The following REV1 variants were observed in gnomAD, a reference collection of about 807,000 sequenced individuals.
The protein encoded by REV1 is translesion synthesis protein REV1.
REV1 carries 42 observed loss-of-function variants against 137.4 expected under a neutral mutation model. The ratio of observed to expected loss-of-function variants is 0.31; its 90% CI spans 0.24 to 0.40. The LOEUF is 0.40. Among genes scored for constraint, REV1 ranks in the 10% least tolerant of loss-of-function variants. The pLI, the probability that REV1 is intolerant of heterozygous loss-of-function variation, is 1.00. For synonymous variants in REV1, 524 were observed against 519.2 expected (o/e 1.01, Z -0.12); for missense variants, 1,282 against 1,490.1 (o/e 0.86, Z 2.30).
intron 1 of REV1, among the ~76,000 whole-genome samples, chr2:99,476,989 G>T (rs1011229723): frequency 6.6e-6 from 1 of 152,202 alleles, no homozygotes; most frequent in Non-Finnish European, 1.5e-5. Flanking sequence ...CCTTTCAGGA[G>T]TTCTTTGAAC....
Position 99,467,842 on chromosome 2 carries a change from TG to T in REV1, c.-10-2858del, listed in dbSNP as rs1402539877. Reference sequence around the variant, plus strand: ...GGGTGGATCACCTGAAGTCAGGAGTTGGAGACCAGTCTGGCCAACATGGTGA... The same window carrying T: ...GGGTGGATCACCTGAAGTCAGGAGTTGAGACCAGTCTGGCCAACATGGTGA... On this transcript the variant is annotated intron_variant, in intron 1 of 22. Coordinates refer to ENST00000258428, the MANE Select transcript of REV1 (RefSeq NM_016316.4). 5.9e-5 allele frequency among the ~76,000 whole-genome samples: 9 copies of T among 152,274 alleles called. No homozygotes were observed. The East Asian group carries it at 1.7e-3, about 29-fold the overall frequency.
chr2:99,403,591 T>C, intron 19 of REV1, 104 bp downstream of exon 19: 1 of 1,423,452 alleles, frequency 7.0e-7, no homozygotes, highest in Admixed American at 1.7e-5. Flanking sequence ...GAGCTCTTAA[T>C]GCAACAGCTT....
chr2:99,432,377 A>T (rs775439094), intron 8 of REV1, among the ~76,000 whole-genome samples: 2 of 152,178 alleles, frequency 1.3e-5, no homozygotes, highest in Non-Finnish European at 2.9e-5. Context: ...CTAATTCCTA[A>T]ACCGATCCTC....
At chr2:99,451,918 G>C (rs1433000353) in intron 3 of REV1, among the ~76,000 whole-genome samples, 10 of 151,980 alleles carry the variant, frequency 6.6e-5, no homozygotes, top group Non-Finnish European at 1.3e-4. Flanking sequence ...GCTAACTGTT[G>C]GCATGCATGG....
At chr2:99,437,938 C>T (rs1680969970) in intron 6 of REV1, among the ~76,000 whole-genome samples, 1 of 152,060 alleles carries the variant, frequency 6.6e-6, no homozygotes, top group Non-Finnish European at 1.5e-5. Context: ...TCAGTTTCCA[C>T]AGCTATAAAT....
intron 1 of REV1, among the ~76,000 whole-genome samples, chr2:99,476,226 G>A (rs188657997): frequency 1.2e-3 from 188 of 152,092 alleles, no homozygotes; most frequent in Middle Eastern, 3.4e-3. Context: ...CCCTTCACAT[G>A]GTCCAAGATG....
At chr2:99,462,672 C>T (rs1553563907) in intron 2 of REV1, 50 bp from the exon 3 acceptor site, 4 of 1,567,630 alleles carry the variant, frequency 2.6e-6, no homozygotes, top group South Asian at 1.2e-5. Context: ...ATTTTCTCCC[C>T]CCTTTTTTGA....
In REV1 at chr2:99,438,877, G is replaced by A; in HGVS notation, c.937C>T (p.His313Tyr). The A allele has an allele frequency of 1.2e-6, 2 of 1,614,178 alleles. No individual in the cohort carries two copies. The highest frequency in any genetic ancestry group is 1.7e-6 in the Non-Finnish European group (2 of 1,180,034). ...GAAGGCCCCTGAACAGTGGAGTGGT[G>A]AGCACCATTGATTTTAGTGTTACTG... ...LHSNTKINGAHHSTVQGPSST... is the reference protein window; with the variant it reads ...LHSNTKINGAYHSTVQGPSST... The change falls in exon 6 of 23, where the codon CAC (histidine) becomes TAC (tyrosine). Residue 313 changes from histidine to tyrosine, a missense_variant. His to Tyr is a moderately conservative substitution (Grantham distance 83, BLOSUM62 2). Around this residue, in one of 7 missense-constraint regions of REV1, gnomAD observed 432 missense variants for 438.0 expected, o/e 0.99. Transcript: ENST00000258428.
chr2:99,403,343 A>G, intron 19 of REV1: 2 of 573,424 alleles, frequency 3.5e-6, no homozygotes, highest in Non-Finnish European at 3.1e-6. Flanking sequence ...TATGATGGGT[A>G]GTACTAAATG....
At position 99,412,608 on chromosome 2, in the gene REV1, G is replaced by A. The variant is rs950449303; in HGVS notation, c.2172+123C>T. On this transcript the variant is annotated intron_variant, in intron 13 of 22. Coordinates refer to ENST00000258428, the MANE Select transcript of REV1 (RefSeq NM_016316.4). ...CCTTAAAAGGCCTTCTTAAGGCTCT[G>A]GGGATACAACAGTTTTAAGACTTAA... 13 of 748,604 alleles carry A rather than the reference G, an allele frequency of 1.7e-5. No individual in the cohort carries two copies. The Admixed American group carries it at 2.4e-4, about 14-fold the overall frequency. The allele number at this position is 748,604 out of a possible 1,614,324, so 46.4% of individuals were successfully genotyped here.
chr2:99,414,082 G>A (rs1200572340), intron 12 of REV1, among the ~76,000 whole-genome samples: 1 of 152,182 alleles, frequency 6.6e-6, no homozygotes, highest in Non-Finnish European at 1.5e-5. Context: ...TTGAGCCCGA[G>A]AGTTTGAGGC....
At chr2:99,454,642 G>A (rs1186059965) in intron 3 of REV1, among the ~76,000 whole-genome samples, 1 of 151,302 alleles carries the variant, frequency 6.6e-6, no homozygotes, top group Non-Finnish European at 1.5e-5. Context: ...CTACTCAGGA[G>A]GCTGAGGCAG....
intron 9 of REV1, among the ~76,000 whole-genome samples, chr2:99,425,294 T>C (rs533812211): frequency 6.6e-6 from 1 of 152,292 alleles, no homozygotes; most frequent in East Asian, 1.9e-4. Context: ...CAGCAGTAGA[T>C]GCAAAATCAC....
intron 1 of REV1, among the ~76,000 whole-genome samples, chr2:99,482,178 A>AT (rs1281807390): frequency 1.3e-5 from 2 of 152,244 alleles, no homozygotes; most frequent in African/African-American, 4.8e-5. Flanking sequence ...TAAAAGTCCC[A>AT]TAAAAACTCC....
Position 99,402,714 on chromosome 2 carries a change from G to A in REV1, c.3471C>T (p.Pro1157=). 1.2e-6 allele frequency: 2 copies of A among 1,613,768 alleles called. No individual in the cohort carries two copies. Among genetic ancestry groups the A allele is most frequent in the Non-Finnish European group, 8.5e-7 (1 of 1,179,668 alleles). ...TGAATTCAACAGCTCCAGCTAGATT[G>A]GGTGCTGGAGGTCTCACACAGCCAG... ...DPAGCVRPPA[P]NLAGAVEFND... Residue 1157 remains proline, a synonymous_variant, in exon 21 of 23, where the codon CCC becomes CCT. Coordinates refer to ENST00000258428, the MANE Select transcript of REV1 (RefSeq NM_016316.4).
intron 1 of REV1, among the ~76,000 whole-genome samples, chr2:99,466,400 G>GC (rs1407683755): frequency 1.3e-5 from 2 of 151,910 alleles, no homozygotes; most frequent in Non-Finnish European, 2.9e-5. Flanking sequence ...CTGCCACCAT[G>GC]CCTGGCTATT....
chr2:99,449,358 G>C lies in REV1; in HGVS notation c.328C>G (p.Arg110Gly). Residue 110 changes from arginine to glycine, a missense_variant, in exon 4 of 23, where the codon CGA becomes GGA. Coordinates refer to ENST00000258428, the MANE Select transcript of REV1 (RefSeq NM_016316.4). ...IKELKGEKVI[R>G]PEWIVESIKA... ...TACCTTTCCACAATCCATTCTGGTCGAATTACTTTTTCCCCCTTTAATTCT... is the reference window on the plus strand; with the variant it reads ...TACCTTTCCACAATCCATTCTGGTCCAATTACTTTTTCCCCCTTTAATTCT... 6.5e-7 allele frequency: 1 copy of C among 1,548,978 alleles called. No homozygotes were observed. The highest frequency in any genetic ancestry group is 8.7e-7 in the Non-Finnish European group (1 of 1,150,986).
At position 99,414,895 on chromosome 2, in the gene REV1, G is replaced by C. The variant is rs537441853; in HGVS notation, c.1952-1944C>G. Reference sequence around the variant, plus strand: ...AAACCCCATAGTTTAAAATTTTAGAGTATCTTGAGTATACCACAACAAATT... The same window carrying C: ...AAACCCCATAGTTTAAAATTTTAGACTATCTTGAGTATACCACAACAAATT... On this transcript the variant is annotated intron_variant, in intron 12 of 22. Coordinates refer to ENST00000258428, the MANE Select transcript of REV1 (RefSeq NM_016316.4). Among the ~76,000 whole-genome samples the C allele has an allele frequency of 2.6e-5, 4 of 152,328 alleles. No individual in the cohort carries two copies. In the East Asian group the frequency reaches 7.7e-4, roughly 29 times the overall value.
chr2:99,477,389 T>C lies in REV1; in HGVS notation c.-10-12404A>G, dbSNP rs753217572. 1.4e-4 allele frequency among the ~76,000 whole-genome samples: 22 copies of C among 152,146 alleles called. 1 individual carries two copies. The highest frequency in any genetic ancestry group is 4.6e-4 in the African/African-American group (19 of 41,426). ...CCATGGGAATAAGGACAATACCCTA[T>C]GGAAGGGCTAAGCACACAGAGAACT... On this transcript the variant is annotated intron_variant, in intron 1 of 22. Transcript: ENST00000258428.
Sources: gnomAD v4.1 joint callset for allele counts (sites outside exome capture counted in the v4.1 genomes callset) on GRCh38, gnomAD v4.1.1 for gene constraint, gnomAD v4.1.1 regional missense constraint, MANE v1.5 for transcripts, NCBI Gene and HGNC (gene_info 2026-07-23, HGNC 2026-07-21) for gene names.